The following PARD3B variants were observed in gnomAD, a reference collection of about 807,000 sequenced individuals.
The protein encoded by PARD3B is par-3 family cell polarity regulator beta, also known as partitioning defective 3 homolog B.
In PARD3B, 103 loss-of-function variants were observed where a neutral mutation model predicts 130.2. That is an observed-to-expected ratio of 0.79 (90% confidence interval 0.67 to 0.93). PARD3B has a LOEUF of 0.93. Ranked by LOEUF, PARD3B falls within the 40% of genes least tolerant of loss-of-function variation. The pLI is 0.00. For missense variants in PARD3B, 1,609 were observed against 1,499.2 expected (o/e 1.07, Z -1.21); for synonymous variants, 583 against 553.2 (o/e 1.05, Z -0.76).
chr2:204,838,573 A>G (rs2044145148), intron 2 of PARD3B, among the ~76,000 whole-genome samples: 1 of 152,144 alleles, frequency 6.6e-6, no homozygotes, highest in Non-Finnish European at 1.5e-5. Context: ...ATGGAAGGGT[A>G]TGCTGTGCAG....
Position 204,689,867 on chromosome 2 carries a change from A to G in PARD3B, c.222+3585A>G, listed in dbSNP as rs2037272920. Among the ~76,000 whole-genome samples, 1 of 152,170 alleles carries G rather than the reference A, an allele frequency of 6.6e-6. No individual in the cohort carries two copies. Among genetic ancestry groups the G allele is most frequent in the African/African-American group, 2.4e-5 (1 of 41,464 alleles). ...GTCAAGCAGTTTGGCGCTTGTATCT[A>G]TAATTTCTATTACGAAAATTCATCA... On this transcript the variant is annotated intron_variant, in intron 2 of 22. Coordinates refer to ENST00000406610, the MANE Select transcript of PARD3B (RefSeq NM_001302769.2). This position sits in a 1 kb window ranked among gnomAD's most constrained non-coding sequence, Gnocchi z 5.2.
chr2:205,473,690 A>G lies in PARD3B; in HGVS notation c.3045-26206A>G, dbSNP rs879725789. Among the ~76,000 whole-genome samples, 15,819 of 138,860 alleles carry G rather than the reference A, an allele frequency of 0.11. 1,512 individuals carry two copies. Among genetic ancestry groups the G allele is most frequent in the African/African-American group, 0.28 (9,836 of 34,768 alleles). 91.1% of individuals were successfully genotyped at this position (138,860 alleles called of 152,430 possible). Reference sequence around the variant, plus strand: ...TGTGTGTGTGTGTGTGTATGTATATATATATATATATATATATATACACAC... The same window carrying G: ...TGTGTGTGTGTGTGTGTATGTATATGTATATATATATATATATATACACAC... On this transcript the variant is annotated intron_variant, in intron 20 of 22. Coordinates refer to ENST00000406610, the MANE Select transcript of PARD3B (RefSeq NM_001302769.2). This position sits in a 1 kb window ranked among gnomAD's most constrained non-coding sequence, Gnocchi z 4.9.
At position 204,953,420 on chromosome 2, in the gene PARD3B, C is replaced by CAGAGAGAG. The variant is rs138644226; in HGVS notation, c.223-11692_223-11685dup. Among the ~76,000 whole-genome samples, 294 of 123,290 alleles carry CAGAGAGAG rather than the reference C, an allele frequency of 2.4e-3. 1 individual carries two copies. The highest frequency in any genetic ancestry group is 4.6e-3 in the Middle Eastern group (1 of 218). 80.9% of individuals were successfully genotyped at this position (123,290 alleles called of 152,430 possible). ...ATATATATGTTAACATACACACACA[C>CAGAGAGAG]AGAGAGAGAGAGAGAGAGAGAGAGA... On this transcript the variant is annotated intron_variant, in intron 2 of 22. Coordinates refer to ENST00000406610, the MANE Select transcript of PARD3B (RefSeq NM_001302769.2).
At position 205,312,460 on chromosome 2, in the gene PARD3B, C is replaced by T. The variant is rs376166722; in HGVS notation, c.2630+10759C>T. ...GAGAGCCTTACAGATCAGGGTAAGA[C>T]GGCTGCATACACTGAGACTGAGACA... is the stretch of plus-strand genomic sequence containing the variant. On this transcript the variant is annotated intron_variant, in intron 18 of 22. Coordinates refer to ENST00000406610, the MANE Select transcript of PARD3B (RefSeq NM_001302769.2). Among the ~76,000 whole-genome samples the T allele has an allele frequency of 6.6e-5, 10 of 152,266 alleles. No individual in the cohort carries two copies. The East Asian group carries it at 1.9e-3, about 29-fold the overall frequency.
intron 18 of PARD3B, among the ~76,000 whole-genome samples, chr2:205,378,320 G>A (rs1399085270): frequency 6.6e-6 from 1 of 152,176 alleles, no homozygotes; most frequent in Non-Finnish European, 1.5e-5. Context: ...GCCCTGAACA[G>A]GCAGGTTGAA....
In PARD3B at chr2:205,351,933, C is replaced by T. The variant is rs1350562220; in HGVS notation, c.2631-49080C>T. ...TCAAGCTACCTGCCTCCCAGGTACA[C>T]GCGTATTGCTGAGGAAACACAACCA... is the stretch of plus-strand genomic sequence containing the variant. On this transcript the variant is annotated intron_variant, in intron 18 of 22. Transcript: ENST00000406610. This position sits in a 1 kb window ranked among gnomAD's most constrained non-coding sequence, Gnocchi z 4.2. Among the ~76,000 whole-genome samples the T allele has an allele frequency of 4.6e-5, 7 of 152,096 alleles. No individual in the cohort carries two copies. The highest frequency in any genetic ancestry group is 1.3e-4 in the Admixed American group (2 of 15,280).
chr2:205,376,112 C>T (rs1252526063), intron 18 of PARD3B, among the ~76,000 whole-genome samples: 4 of 152,094 alleles, frequency 2.6e-5, no homozygotes, highest in Non-Finnish European at 4.4e-5. Context: ...AGGACTTTAC[C>T]GTAGATTATC....
At chr2:205,393,471 G>C (rs1321536742) in intron 18 of PARD3B, among the ~76,000 whole-genome samples, 5 of 152,188 alleles carry the variant, frequency 3.3e-5, no homozygotes, top group Non-Finnish European at 7.3e-5. Flanking sequence ...ATGACTAGAT[G>C]TTGCAGTTTT....
At chr2:205,013,547 G>A (rs1230474226) in intron 3 of PARD3B, among the ~76,000 whole-genome samples, 3 of 152,154 alleles carry the variant, frequency 2.0e-5, no homozygotes, top group African/African-American at 7.2e-5. Context: ...TTTCCTGTAC[G>A]TTGGGCGTTG....
intron 18 of PARD3B, among the ~76,000 whole-genome samples, chr2:205,368,062 G>A (rs1272660392): frequency 2.0e-5 from 3 of 152,174 alleles, no homozygotes; most frequent in African/African-American, 4.8e-5. Flanking sequence ...AGGGTGATAC[G>A]TCTGTGTGAT....
chr2:205,147,324 A>G (rs1001690151), intron 10 of PARD3B, among the ~76,000 whole-genome samples: 2 of 152,170 alleles, frequency 1.3e-5, no homozygotes, highest in Non-Finnish European at 2.9e-5. Flanking sequence ...GTTATATACT[A>G]TATTCGGGGG....
intron 21 of PARD3B, among the ~76,000 whole-genome samples, chr2:205,529,793 G>T (rs534231836): frequency 1.3e-5 from 2 of 152,084 alleles, no homozygotes; most frequent in Non-Finnish European, 2.9e-5. Context: ...ATCTACGAGG[G>T]TTTTCTTTTT....
intron 18 of PARD3B, among the ~76,000 whole-genome samples, chr2:205,304,445 G>A (rs985306278): frequency 6.6e-6 from 1 of 152,000 alleles, no homozygotes; most frequent in African/African-American, 2.4e-5. Context: ...AGACCAGCTT[G>A]ACTAACATGG....
chr2:204,825,929 T>TA (rs2043553609), intron 2 of PARD3B, among the ~76,000 whole-genome samples: 1 of 152,178 alleles, frequency 6.6e-6, no homozygotes, highest in South Asian at 2.1e-4. Context: ...CACAGTATCT[T>TA]ATATACCTTA....
rs1191463828 is a variant in PARD3B, at chr2:205,082,949, T to G, written c.505-21477T>G. On this transcript the variant is annotated intron_variant, in intron 4 of 22. Coordinates refer to ENST00000406610, the MANE Select transcript of PARD3B (RefSeq NM_001302769.2). Reference sequence around the variant, plus strand: ...TTTTTTTTTTTTTTGAGACACAGTCTCGCTCTATCGCCCAGGCTGGAGTGC... The same window carrying G: ...TTTTTTTTTTTTTTGAGACACAGTCGCGCTCTATCGCCCAGGCTGGAGTGC... Among the ~76,000 whole-genome samples the G allele has an allele frequency of 2.7e-5, 4 of 149,142 alleles. No individual in the cohort carries two copies. In the East Asian group the frequency reaches 8.0e-4, roughly 30 times the overall value.
At chr2:205,261,187 A>G (rs753101512) in intron 16 of PARD3B, among the ~76,000 whole-genome samples, 1 of 152,088 alleles carries the variant, frequency 6.6e-6, no homozygotes, top group Non-Finnish European at 1.5e-5. Context: ...AGTTTTATTC[A>G]TATTTTGAGA....
At chr2:205,481,842 T>C (rs993461574) in intron 20 of PARD3B, among the ~76,000 whole-genome samples, 3 of 152,170 alleles carry the variant, frequency 2.0e-5, no homozygotes, top group South Asian at 2.1e-4. Flanking sequence ...CCATCTCTAA[T>C]GAGCACAGAG....
chr2:205,110,022 ATAAT>A (rs1182832857), intron 5 of PARD3B, among the ~76,000 whole-genome samples: 1 of 152,166 alleles, frequency 6.6e-6, no homozygotes, highest in East Asian at 1.9e-4. Flanking sequence ...CTTAATTAAA[ATAAT>A]TTACTCAGAC....
Position 205,268,604 on chromosome 2 carries a change from C to T in PARD3B, c.2185+22782C>T, listed in dbSNP as rs185519799. ...CTCTAATGCCACTAGTATTAGGAGG[C>T]GGTAATTTGCAGATAAAAAGTAAAA... On this transcript the variant is annotated intron_variant, in intron 16 of 22. Transcript: ENST00000406610. This position sits in a 1 kb window ranked among gnomAD's most constrained non-coding sequence, Gnocchi z 4.1. 5.6e-3 allele frequency among the ~76,000 whole-genome samples: 849 copies of T among 151,924 alleles called. 3 individuals carry two copies. The highest frequency in any genetic ancestry group is 0.017 in the African/African-American group (709 of 41,408).
Sources: allele counts gnomAD v4.1 joint callset (sites outside exome capture counted in the v4.1 genomes callset), GRCh38; gene constraint gnomAD v4.1.1; non-coding constraint Gnocchi (gnomAD v3.1); transcripts MANE v1.5; gene names NCBI Gene and HGNC (gene_info 2026-07-23, HGNC 2026-07-21).